PPP4C: variants seen among roughly 807,000 people sequenced by gnomAD.
PPP4C encodes the protein protein phosphatase 4 catalytic subunit, also known as serine/threonine-protein phosphatase 4 catalytic subunit.
PPP4C carries 10 observed loss-of-function variants against 40.5 expected under a neutral mutation model. The observed-to-expected ratio is 0.25, with a 90% CI of 0.15 to 0.42. The LOEUF (loss-of-function observed/expected upper bound fraction) is 0.42. Ranked by LOEUF, PPP4C falls within the 10% of genes least tolerant of loss-of-function variation. The pLI is 1.00. For synonymous variants in PPP4C, 187 were observed against 163.6 expected, an observed-to-expected ratio of 1.14 and a Z score of -1.09; for missense variants, 191 against 416.4, an observed-to-expected ratio of 0.46 and a Z score of 4.71.
intron 2 of PPP4C, 81 bp from the exon 3 acceptor site, chr16:30,081,178 T>A (rs1205010496): frequency 6.2e-7 from 1 of 1,601,108 alleles, no homozygotes; most frequent in African/African-American, 1.3e-5. Context: ...CTGCCTCATA[T>A]CCTCCCCTCC....
intron 2 of PPP4C, among the ~76,000 whole-genome samples, chr16:30,078,449 G>A (rs2072444030): frequency 6.6e-6 from 1 of 152,186 alleles, no homozygotes; most frequent in Admixed American, 6.5e-5. Context: ...ATGGAAGGCT[G>A]AGGGGTGGAG....
In PPP4C at chr16:30,076,424, GC is replaced by G. The variant is rs755784140; in HGVS notation, c.48del (p.Cys17AlafsTer21). ...DLDRQIEQLR[R>X]CELIKESEVK... ...GACCGGCAGATCGAGCAGCTGCGTC[GC>G]TGCGAGCTCATCAAGGAGAGCGAAG... On this transcript the variant is annotated frameshift_variant, in exon 2 of 9. Coordinates refer to ENST00000279387, the MANE Select transcript of PPP4C (RefSeq NM_002720.3). LOFTEE classifies it high-confidence loss of function. 6.2e-7 allele frequency: 1 copy of G among 1,613,408 alleles called. No homozygotes were observed. Among genetic ancestry groups the G allele is most frequent in the Non-Finnish European group, 8.5e-7 (1 of 1,179,846 alleles).
chr16:30,076,335 AG>A lies in PPP4C; in HGVS notation c.-38del. ...CCCAGGAGACCCCTGTGCGGTGCGG[AG>A]GGGGCGGCGGCCCCGACTCTGACCC... On this transcript the variant is annotated 5_prime_UTR_variant, in exon 2 of 9. Coordinates refer to ENST00000279387, the MANE Select transcript of PPP4C (RefSeq NM_002720.3). 6.3e-7 allele frequency: 1 copy of A among 1,593,684 alleles called. No individual in the cohort carries two copies. The highest frequency in any genetic ancestry group is 8.6e-7 in the Non-Finnish European group (1 of 1,166,008).
rs541137361 is a variant in PPP4C, at chr16:30,081,093, G to A, written c.99-166G>A. 11 of 853,580 alleles carry A rather than the reference G, an allele frequency of 1.3e-5. No individual in the cohort carries two copies. In the African/African-American group the frequency reaches 1.7e-4, roughly 13 times the overall value. The allele number at this position is 853,580 out of a possible 1,614,324, so 52.9% of individuals were successfully genotyped here. On this transcript the variant is annotated intron_variant, in intron 2 of 8. Coordinates refer to ENST00000279387, the MANE Select transcript of PPP4C (RefSeq NM_002720.3). ...CAGCAGGGGGCCACGGAAGGGTGTTGCATGCTGAAGGGCCGTGGTCAGCCT... is the reference window on the plus strand; with the variant it reads ...CAGCAGGGGGCCACGGAAGGGTGTTACATGCTGAAGGGCCGTGGTCAGCCT...
chr16:30,080,853 A>G (rs905814985), intron 2 of PPP4C, among the ~76,000 whole-genome samples: 6 of 152,150 alleles, frequency 3.9e-5, no homozygotes, highest in African/African-American at 4.8e-5. Context: ...TGCCCTGGGC[A>G]CCTACCCTTG....
chr16:30,080,827 G>A (rs895628274), intron 2 of PPP4C, among the ~76,000 whole-genome samples: 5 of 152,110 alleles, frequency 3.3e-5, no homozygotes, highest in East Asian at 1.9e-4. Context: ...CTTTGAAGGC[G>A]CATCCACTGT....
chr16:30,076,101 G>A lies in PPP4C; in HGVS notation c.-64+7G>A. 1 of 509,322 alleles carries A rather than the reference G, an allele frequency of 2.0e-6. No individual in the cohort carries two copies. 31.6% of individuals were successfully genotyped at this position (509,322 alleles called of 1,614,324 possible). On this transcript the variant is annotated splice_region_variant and intron_variant, in intron 1 of 8. Coordinates refer to ENST00000279387, the MANE Select transcript of PPP4C (RefSeq NM_002720.3). ...AACCGGAGTCGCAGCGGCGGTAATAGTGCGAGACTCCTCTAAGTCACCGTC... is the reference window on the plus strand; with the variant it reads ...AACCGGAGTCGCAGCGGCGGTAATAATGCGAGACTCCTCTAAGTCACCGTC...
intron 2 of PPP4C, among the ~76,000 whole-genome samples, chr16:30,080,302 G>T (rs898118059): frequency 1.5e-5 from 2 of 137,758 alleles, no homozygotes; most frequent in Admixed American, 7.8e-5. Flanking sequence ...CAAAGATGGC[G>T]CCACTGCACT....
At chr16:30,077,723 C>T (rs1283600365) in intron 2 of PPP4C, among the ~76,000 whole-genome samples, 3 of 152,230 alleles carry the variant, frequency 2.0e-5, no homozygotes, top group Non-Finnish European at 4.4e-5. Context: ...AACTTCTATC[C>T]ATCTCTTCCC....
In PPP4C at chr16:30,082,042, G is replaced by A. The variant is rs571517678; in HGVS notation, c.151-442G>A. On this transcript the variant is annotated intron_variant, in intron 3 of 8. Coordinates refer to ENST00000279387, the MANE Select transcript of PPP4C (RefSeq NM_002720.3). ...CGCACTCCAGGCTAGGCGACAGAGT[G>A]AGACTCCGTCTAAAAAAAAAAAAAA... Among the ~76,000 whole-genome samples, 248 of 149,952 alleles carry A rather than the reference G, an allele frequency of 1.7e-3. 2 individuals are homozygous for A. Among genetic ancestry groups the A allele is most frequent in the Non-Finnish European group, 2.1e-3 (143 of 67,244 alleles).
At position 30,081,330 on chromosome 16, in the gene PPP4C, G is replaced by A; in HGVS notation, c.150+20G>A. 1 of 1,600,168 alleles carries A rather than the reference G, an allele frequency of 6.2e-7. No homozygotes were observed. Among genetic ancestry groups the A allele is most frequent in the Non-Finnish European group, 8.6e-7 (1 of 1,167,806 alleles). ...GTCACAGTGAGTACCTGCTGTCCCT[G>A]CAGAGCCAGGCCTGGTCTTTCAGGC... is the stretch of plus-strand genomic sequence containing the variant. On this transcript the variant is annotated intron_variant, in intron 3 of 8. Coordinates refer to ENST00000279387, the MANE Select transcript of PPP4C (RefSeq NM_002720.3).
chr16:30,081,166 G>A (rs761590090), intron 2 of PPP4C, 93 bp from the exon 3 acceptor site: 1 of 1,579,218 alleles, frequency 6.3e-7, no homozygotes, highest in South Asian at 1.1e-5. Context: ...GAGCTTCCAG[G>A]ACTGCCTCAT....
rs114058550 is a variant in PPP4C, at chr16:30,085,268, A to G, written c.*206A>G. 1.6e-3 allele frequency: 668 copies of G among 423,770 alleles called. 5 individuals are homozygous for G. Among genetic ancestry groups the G allele is most frequent in the African/African-American group, 0.011 (531 of 49,234 alleles). 26.3% of individuals were successfully genotyped at this position (423,770 alleles called of 1,614,324 possible). On this transcript the variant is annotated 3_prime_UTR_variant, in exon 9 of 9. Coordinates refer to ENST00000279387, the MANE Select transcript of PPP4C (RefSeq NM_002720.3). ...CTCCTCTCTCCCCACTTGAACCATGAAGTTTCCAATAATTTTTTTTTCTTT... is the reference window on the plus strand; with the variant it reads ...CTCCTCTCTCCCCACTTGAACCATGGAGTTTCCAATAATTTTTTTTTCTTT...
At chr16:30,081,601 C>G (rs1459473847) in intron 3 of PPP4C, 7 of 258,010 alleles carry the variant, frequency 2.7e-5, no homozygotes, top group Non-Finnish European at 4.7e-5. Flanking sequence ...AAATTAGCCA[C>G]GCGTGGTGGC....
chr16:30,084,647 C>T lies in PPP4C; in HGVS notation c.605-19C>T. 1.2e-6 allele frequency: 2 copies of T among 1,611,806 alleles called. No individual in the cohort carries two copies. Among genetic ancestry groups the T allele is most frequent in the Non-Finnish European group, 1.7e-6 (2 of 1,178,052 alleles). On this transcript the variant is annotated intron_variant, in intron 7 of 8. Transcript: ENST00000279387. ...GAAGCCTGAGGACATCCCTCTCCATCCCTCCCTTTCCGCATCAGACACCAC... is the reference window on the plus strand; with the variant it reads ...GAAGCCTGAGGACATCCCTCTCCATTCCTCCCTTTCCGCATCAGACACCAC...
Position 30,082,553 on chromosome 16 carries a change from C to T in PPP4C, c.201+19C>T, listed in dbSNP as rs2072530517. On this transcript the variant is annotated intron_variant, in intron 4 of 8. Transcript: ENST00000279387. The stretch of plus-strand genomic sequence containing the variant: ...GTTCAGAGTAAGAGTGTGGCCAACA[C>T]TGTGAAATGTAACGGGGGGATGACT... 5.0e-6 allele frequency: 8 copies of T among 1,608,528 alleles called. No individual in the cohort carries two copies. Among genetic ancestry groups the T allele is most frequent in the Non-Finnish European group, 6.8e-6 (8 of 1,174,936 alleles).
chr16:30,079,225 G>A (rs1039440816), intron 2 of PPP4C, among the ~76,000 whole-genome samples: 5 of 138,774 alleles, frequency 3.6e-5, no homozygotes, highest in African/African-American at 1.4e-4. Flanking sequence ...TTTTGCTGTT[G>A]TTGCCCAGGC....
chr16:30,078,858 C>T (rs1191740999), intron 2 of PPP4C, among the ~76,000 whole-genome samples: 1 of 152,166 alleles, frequency 6.6e-6, no homozygotes, highest in Non-Finnish European at 1.5e-5. Flanking sequence ...GTTGAGAGTC[C>T]GGGTATCCGG....
chr16:30,083,808 A>G lies in PPP4C; in HGVS notation c.604+27A>G. On this transcript the variant is annotated intron_variant, in intron 7 of 8. Transcript: ENST00000279387. This position sits in a 1 kb window ranked among gnomAD's most constrained non-coding sequence, Gnocchi z 6.3. ...TGAGGGCATGTGGGCAGGGGCAGGC[A>G]GGGACAGCCAGGAGGGGTTGGGAAA... 1 of 1,612,066 alleles carries G rather than the reference A, an allele frequency of 6.2e-7. No individual in the cohort carries two copies. The highest frequency in any genetic ancestry group is 8.5e-7 in the Non-Finnish European group (1 of 1,179,498).
Sources: allele counts gnomAD v4.1 joint callset (sites outside exome capture counted in the v4.1 genomes callset), GRCh38; gene constraint gnomAD v4.1.1; non-coding constraint Gnocchi (gnomAD v3.1); transcripts MANE v1.5; gene names NCBI Gene and HGNC (gene_info 2026-07-23, HGNC 2026-07-21).